STOX2: variants seen among roughly 807,000 people sequenced by gnomAD.
The protein encoded by STOX2 is storkhead-box protein 2.
In STOX2, 28 loss-of-function variants were observed where a neutral mutation model predicts 60.9. That is an observed-to-expected ratio of 0.46 (90% CI 0.34 to 0.63). The LOEUF is 0.63. Among genes scored for constraint, STOX2 ranks in the 30% least tolerant of loss-of-function variants. STOX2 has a pLI of 0.01. For missense variants in STOX2, 1,024 were observed against 1,187.7 expected, an observed-to-expected ratio of 0.86 and a Z score of 2.03; for synonymous variants, 472 against 463.9, an observed-to-expected ratio of 1.02 and a Z score of -0.22.
chr4:183,951,971 C>T (rs981842956), intron 1 of STOX2, among the ~76,000 whole-genome samples: 3 of 151,764 alleles, frequency 2.0e-5, no homozygotes, highest in Admixed American at 6.6e-5. Flanking sequence ...AGTGGGTGAG[C>T]GACTCTCTTC....
intron 1 of STOX2, among the ~76,000 whole-genome samples, chr4:183,864,393 C>T (rs149855664): frequency 1.3e-5 from 2 of 152,082 alleles, no homozygotes; most frequent in East Asian, 3.9e-4. Context: ...TATAAATGGA[C>T]TATTTATTTA....
At chr4:183,863,577 G>A (rs917792179) in intron 1 of STOX2, among the ~76,000 whole-genome samples, 2 of 151,348 alleles carry the variant, frequency 1.3e-5, no homozygotes, top group African/African-American at 4.9e-5. Flanking sequence ...TTTGCCCTTT[G>A]AACTCATAGT....
chr4:183,938,370 T>C (rs1742646414), intron 1 of STOX2, among the ~76,000 whole-genome samples: 1 of 152,132 alleles, frequency 6.6e-6, no homozygotes, highest in Admixed American at 6.5e-5. Context: ...TTTGTCACTT[T>C]AAAAAACTTT....
intron 1 of STOX2, among the ~76,000 whole-genome samples, chr4:183,939,442 G>C (rs1024718736): frequency 1.3e-5 from 2 of 152,260 alleles, no homozygotes; most frequent in Non-Finnish European, 2.9e-5. Flanking sequence ...GGGCTCACCC[G>C]AGTAATCCAG....
At chr4:183,956,409 A>T (rs1338501650) in intron 1 of STOX2, among the ~76,000 whole-genome samples, 1 of 141,974 alleles carries the variant, frequency 7.0e-6, no homozygotes, top group Non-Finnish European at 1.5e-5. Context: ...TCTATCTATC[A>T]CCTATCTGTC....
chr4:184,019,902 C>A lies in STOX2; in HGVS notation c.*2618C>A, dbSNP rs1170868672. 1.3e-5 allele frequency: 2 copies of A among 152,130 alleles called. No individual in the cohort carries two copies. The highest frequency in any genetic ancestry group is 2.9e-5 in the Non-Finnish European group (2 of 68,034). 9.4% of individuals were successfully genotyped at this position (152,130 alleles called of 1,614,324 possible). On this transcript the variant is annotated 3_prime_UTR_variant, in exon 4 of 4. Coordinates refer to ENST00000308497, the MANE Select transcript of STOX2 (RefSeq NM_020225.3). ...GGCCTCGCCAGGCGTTGCCAGTATCCCTTTCCTCCTGTAAAATCATAGCTT... is the reference window on the plus strand; with the variant it reads ...GGCCTCGCCAGGCGTTGCCAGTATCACTTTCCTCCTGTAAAATCATAGCTT...
chr4:183,856,938 A>G lies in STOX2; in HGVS notation c.364+58883A>G, dbSNP rs541357683. 1.4e-4 allele frequency among the ~76,000 whole-genome samples: 22 copies of G among 152,322 alleles called. No individual in the cohort carries two copies. Among genetic ancestry groups the G allele is most frequent in the Non-Finnish European group, 3.1e-4 (21 of 68,012 alleles). ...TGGCATCTGACTGAGGAGAGAGGACATGTGAAGAGGCAGGGAGGGAGATGA... is the reference window on the plus strand; with the variant it reads ...TGGCATCTGACTGAGGAGAGAGGACGTGTGAAGAGGCAGGGAGGGAGATGA... On this transcript the variant is annotated intron_variant, in intron 1 of 2. Coordinates refer to the STOX2 transcript ENST00000513034. This position sits in a 1 kb window ranked among gnomAD's most constrained non-coding sequence, Gnocchi z 4.0.
intron 1 of STOX2, among the ~76,000 whole-genome samples, chr4:183,989,168 G>C (rs949619460): frequency 2.2e-5 from 2 of 92,548 alleles, no homozygotes; most frequent in African/African-American, 1.1e-4. Context: ...CATTTTTTCT[G>C]GTTTTTTTTT....
At chr4:183,802,964 A>G (rs1738802401) in intron 1 of STOX2, among the ~76,000 whole-genome samples, 1 of 152,138 alleles carries the variant, frequency 6.6e-6, no homozygotes, top group African/African-American at 2.4e-5. Context: ...CACACCTGAG[A>G]CTGGGCAATT....
rs1409771946 is a variant in STOX2 at position 184,010,586 on chromosome 4, C to T, written c.1748C>T (p.Pro583Leu). 2.5e-6 allele frequency: 4 copies of T among 1,614,008 alleles called. No homozygotes were observed. In the Admixed American group the frequency reaches 6.7e-5, roughly 27 times the overall value. The part of the protein sequence containing the change: ...LEPGKPPESL[P>L]SYGELNSCPT... ...CCAGGAAAACCACCCGAGAGTTTGC[C>T]ATCCTATGGCGAACTCAACTCTTGT... Residue 583 changes from proline (P) to leucine (L), a missense_variant, in exon 3 of 4, where the codon CCA (proline) becomes CTA (leucine). By Grantham distance (98) the Pro-to-Leu change is moderately conservative. This residue lies in a region of STOX2 where 922 missense variants were observed against 1,058.3 expected (regional missense o/e 0.87). Transcript: ENST00000308497. The surrounding 1 kb of genome is among the most constrained non-coding windows in gnomAD (Gnocchi z 4.5).
intron 1 of STOX2, among the ~76,000 whole-genome samples, chr4:183,892,226 C>G (rs1741233633): frequency 6.6e-6 from 1 of 152,232 alleles, no homozygotes; most frequent in South Asian, 2.1e-4. Flanking sequence ...TGTGAGCCAC[C>G]TCGGGAAACC....
intron 1 of STOX2, among the ~76,000 whole-genome samples, chr4:183,820,982 C>T (rs1181634774): frequency 6.6e-6 from 1 of 151,936 alleles, no homozygotes. Context: ...TGGTGAACAC[C>T]TGTAGTCCCA....
intron 1 of STOX2, among the ~76,000 whole-genome samples, chr4:183,820,512 C>T (rs1469179968): frequency 1.3e-5 from 2 of 152,162 alleles, no homozygotes; most frequent in Admixed American, 1.3e-4. Context: ...AGTGGCTCTC[C>T]TATTGGAGGA....
At chr4:183,835,202 C>A (rs112460884) in intron 1 of STOX2, among the ~76,000 whole-genome samples, 43 of 151,020 alleles carry the variant, frequency 2.8e-4, no homozygotes, top group African/African-American at 9.7e-4. Context: ...CCTAAGACTT[C>A]ATCATAGTGT....
Position 183,821,182 on chromosome 4 carries a change from C to T in STOX2, c.364+23127C>T, listed in dbSNP as rs1347278486. On this transcript the variant is annotated intron_variant, in intron 1 of 2. Transcript: ENST00000513034. This position sits in a 1 kb window ranked among gnomAD's most constrained non-coding sequence, Gnocchi z 4.2. Reference sequence around the variant, plus strand: ...TCTGTTGAGTTCCTGGCCCTCCTTTCCTGATGCCAATCTAATATAGCATAA... The same window carrying T: ...TCTGTTGAGTTCCTGGCCCTCCTTTTCTGATGCCAATCTAATATAGCATAA... Among the ~76,000 whole-genome samples the T allele has an allele frequency of 6.6e-6, 1 of 152,214 alleles. No homozygotes were observed. Among genetic ancestry groups the T allele is most frequent in the East Asian group, 1.9e-4 (1 of 5,202 alleles).
At chr4:183,819,650 A>G (rs1435909723) in intron 1 of STOX2, among the ~76,000 whole-genome samples, 3 of 151,766 alleles carry the variant, frequency 2.0e-5, no homozygotes, top group African/African-American at 7.3e-5. Flanking sequence ...TTAAAATATC[A>G]TTGCTTTGAT....
chr4:183,912,641 A>C (rs1207496745), intron 1 of STOX2, among the ~76,000 whole-genome samples: 1 of 152,210 alleles, frequency 6.6e-6, no homozygotes, highest in African/African-American at 2.4e-5. Flanking sequence ...GTGTTACAGC[A>C]ACACGGTCAC....
intron 1 of STOX2, among the ~76,000 whole-genome samples, chr4:183,895,068 G>A (rs553600962): frequency 6.6e-6 from 1 of 152,294 alleles, no homozygotes; most frequent in Non-Finnish European, 1.5e-5. Flanking sequence ...CGGAGGCAAT[G>A]GAGTGAGGCA....
intron 1 of STOX2, among the ~76,000 whole-genome samples, chr4:183,829,915 T>G (rs1739527094): frequency 6.6e-6 from 1 of 152,320 alleles, no homozygotes; most frequent in Middle Eastern, 3.4e-3. Context: ...CTGCTGTGTG[T>G]GCTGGGTGTT....
Sources: gnomAD v4.1 joint callset for allele counts (sites outside exome capture counted in the v4.1 genomes callset) on GRCh38, gnomAD v4.1.1 for gene constraint, gnomAD v4.1.1 regional missense constraint, Gnocchi (gnomAD v3.1) non-coding constraint, MANE v1.5 for transcripts, NCBI Gene and HGNC (gene_info 2026-07-23, HGNC 2026-07-21) for gene names.